Variants in XRN2 observed in about 807,000 individuals in gnomAD.
The protein encoded by XRN2 is DHM1-like protein.
A neutral mutation model predicts 138.5 loss-of-function variants in XRN2; 44 were observed. That is an observed-to-expected ratio of 0.32 (90% CI 0.25 to 0.41). The LOEUF is 0.41. Among genes scored for constraint, XRN2 ranks in the 10% least tolerant of loss-of-function variants. XRN2 has a pLI of 1.00. For synonymous variants in XRN2, 354 were observed against 369.4 expected, an observed-to-expected ratio of 0.96 and a Z score of 0.48; for missense variants, 937 against 1,169.3, an observed-to-expected ratio of 0.80 and a Z score of 2.90.
chr20:21,354,913 ATACACTTTATATT>A (rs1600703542), intron 21 of XRN2, 41 bp downstream of exon 21: 2 of 1,495,578 alleles, frequency 1.3e-6, no homozygotes, highest in Non-Finnish European at 9.2e-7. Flanking sequence ...TCTGTGTAAT[ATACACTTTATATT>A]TCTGTATAAA....
intron 1 of XRN2, among the ~76,000 whole-genome samples, chr20:21,310,903 C>A (rs955758421): frequency 2.0e-5 from 3 of 151,928 alleles, no homozygotes; most frequent in African/African-American, 7.3e-5. Context: ...CGCCACCACG[C>A]CCGGCAAATT....
rs2038572519 is a variant in XRN2 at position 21,356,064 on chromosome 20, T to C, written c.2021-16T>C. The C allele has an allele frequency of 6.3e-7, 1 of 1,599,026 alleles. No homozygotes were observed. Among genetic ancestry groups the C allele is most frequent in the African/African-American group, 1.4e-5 (1 of 74,010 alleles). On this transcript the variant is annotated splice_polypyrimidine_tract_variant and intron_variant, in intron 21 of 29. Coordinates refer to ENST00000377191, the MANE Select transcript of XRN2 (RefSeq NM_012255.5). ...ATTTTTTTATGTGTAGGTCTTATTC[T>C]TTTCTTTCTCCCTAGCCAGAAGAAA...
At chr20:21,371,006 T>A (rs2038755507) in intron 27 of XRN2, among the ~76,000 whole-genome samples, 1 of 152,190 alleles carries the variant, frequency 6.6e-6, no homozygotes, top group South Asian at 2.1e-4. Flanking sequence ...CTGAGTGTCA[T>A]ATCATTAAAA....
At chr20:21,350,950 G>T (rs754816427) in intron 20 of XRN2, among the ~76,000 whole-genome samples, 6 of 152,110 alleles carry the variant, frequency 3.9e-5, no homozygotes, top group Non-Finnish European at 7.4e-5. Context: ...GGTTTTTCAA[G>T]GTGCTTTGTG....
chr20:21,387,104 C>G, intron 29 of XRN2, 98 bp downstream of exon 29: 1 of 1,482,536 alleles, frequency 6.7e-7, no homozygotes, highest in Non-Finnish European at 9.1e-7. Context: ...GGAGAAGACA[C>G]TGATAGAGTA....
At chr20:21,304,432 G>GT (rs1673305265) in intron 1 of XRN2, among the ~76,000 whole-genome samples, 1 of 145,232 alleles carries the variant, frequency 6.9e-6, no homozygotes, top group Admixed American at 6.8e-5. Flanking sequence ...ACTATTTCTT[G>GT]TTTTTTTCAA....
intron 19 of XRN2, 74 bp downstream of exon 19, chr20:21,348,504 T>A: frequency 7.4e-7 from 1 of 1,353,646 alleles, no homozygotes; most frequent in Non-Finnish European, 1.0e-6. Context: ...TACAATTGCT[T>A]TTGCAGCTGA....
At chr20:21,341,067 A>G (rs2038366056) in intron 15 of XRN2, among the ~76,000 whole-genome samples, 1 of 152,212 alleles carries the variant, frequency 6.6e-6, no homozygotes, top group Non-Finnish European at 1.5e-5. Context: ...AGGATTGTTG[A>G]TACATGCGAA....
At position 21,356,640 on chromosome 20, in the gene XRN2, G is replaced by T; in HGVS notation, c.2173G>T (p.Asp725Tyr). 1 of 1,613,658 alleles carries T rather than the reference G, an allele frequency of 6.2e-7. No individual in the cohort carries two copies. Among genetic ancestry groups the T allele is most frequent in the Non-Finnish European group, 8.5e-7 (1 of 1,179,688 alleles). Residue 725 changes from aspartate to tyrosine, a missense_variant, in exon 23 of 30, where the codon GAT becomes TAT. By Grantham distance (160) the Asp-to-Tyr change is radical. Transcript: ENST00000377191. ...TGGGATTCAAGGAAAGTTTTCTTTG[G>T]ATGAAGAAGCCATTCTTCCAGATCA... ...CHGIQGKFSL[D>Y]EEAILPDQIV...
intron 29 of XRN2, 100 bp from the exon 30 acceptor site, chr20:21,389,173 T>C: frequency 9.4e-7 from 1 of 1,059,364 alleles, no homozygotes; most frequent in Non-Finnish European, 1.4e-6. Flanking sequence ...TAACACATAC[T>C]CAGTTTCCTT....
intron 27 of XRN2, among the ~76,000 whole-genome samples, chr20:21,381,735 CA>C (rs2038886820): frequency 6.7e-6 from 1 of 150,044 alleles, no homozygotes; most frequent in African/African-American, 2.5e-5. Flanking sequence ...CACACACACA[CA>C]CACACAGGAT....
intron 20 of XRN2, among the ~76,000 whole-genome samples, chr20:21,353,414 ATGTT>A (rs1157471071): frequency 6.6e-6 from 1 of 150,988 alleles, no homozygotes; most frequent in African/African-American, 2.4e-5. Context: ...CCTGACTCAC[ATGTT>A]AGGTATTAAG....
At chr20:21,328,890 T>C (rs943539366) in intron 4 of XRN2, among the ~76,000 whole-genome samples, 3 of 152,186 alleles carry the variant, frequency 2.0e-5, no homozygotes, top group African/African-American at 7.2e-5. Context: ...GCCTTGGGAA[T>C]AGGGAATTCT....
At chr20:21,330,814 T>A in intron 6 of XRN2, 109 bp downstream of exon 6, 1 of 1,047,956 alleles carries the variant, frequency 9.5e-7, no homozygotes, top group Non-Finnish European at 1.4e-6. Context: ...AAAATGCTAG[T>A]TGACTGTTGG....
At chr20:21,332,227 T>C in intron 8 of XRN2, 56 bp from the exon 9 acceptor site, 1 of 1,568,914 alleles carries the variant, frequency 6.4e-7, no homozygotes, top group Non-Finnish European at 8.6e-7. Context: ...TAGTTTATGG[T>C]AAGACTTCTC....
At chr20:21,332,156 T>C in intron 8 of XRN2, 127 bp from the exon 9 acceptor site, 1 of 1,178,202 alleles carries the variant, frequency 8.5e-7, no homozygotes, top group Non-Finnish European at 1.2e-6. Flanking sequence ...TGTCAAGCTT[T>C]GGGGCTTTGC....
Position 21,332,325 on chromosome 20 carries a change from T to C in XRN2, c.743T>C (p.Phe248Ser). Residue 248 changes from phenylalanine (F) to serine (S), a missense_variant, in exon 9 of 30, where the codon TTT becomes TCT. Phe to Ser is a radical substitution (Grantham distance 155). This residue lies in a region of XRN2 where 471 missense variants were observed against 581.2 expected (regional missense o/e 0.81). Transcript: ENST00000377191. ...GGCCTTGCCACACATGAACCGAACT[T>C]TACCATTATTAGAGAAGAATTCAAA... ...MLGLATHEPN[F>S]TIIREEFKPN... 1 of 1,613,882 alleles carries C rather than the reference T, an allele frequency of 6.2e-7. No homozygotes were observed. The highest frequency in any genetic ancestry group is 8.5e-7 in the Non-Finnish European group (1 of 1,179,844).
rs201052387 is a variant in XRN2 at position 21,340,787 on chromosome 20, C to T, written c.1345C>T (p.Pro449Ser). 95 of 1,613,952 alleles carry T rather than the reference C, an allele frequency of 5.9e-5. No individual in the cohort carries two copies. In the Middle Eastern group the frequency reaches 9.9e-4, roughly 17 times the overall value. Residue 449 changes from proline (P) to serine (S), a missense_variant, in exon 15 of 30, where the codon CCA (proline) becomes TCA (serine). By Grantham distance (74) the Pro-to-Ser change is moderately conservative. Coordinates refer to ENST00000377191, the MANE Select transcript of XRN2 (RefSeq NM_012255.5). ...TCATGCCTTGGGTTCAAGAAATTCA[C>T]CAGGTTCTCAAGTAGCCAGTAATCC... ...TPHALGSRNS[P>S]GSQVASNPRQ...
chr20:21,372,280 CAT>C (rs1275580655), intron 27 of XRN2, among the ~76,000 whole-genome samples: 5 of 152,118 alleles, frequency 3.3e-5, no homozygotes, highest in East Asian at 3.8e-4. Flanking sequence ...AATTGGCAAT[CAT>C]GTGATATTTA....
Sources: gnomAD v4.1 joint callset for allele counts (sites outside exome capture counted in the v4.1 genomes callset) on GRCh38, gnomAD v4.1.1 for gene constraint, gnomAD v4.1.1 regional missense constraint, MANE v1.5 for transcripts, NCBI Gene and HGNC (gene_info 2026-07-23, HGNC 2026-07-21) for gene names.